Variants in RASGRF2 observed in about 807,000 individuals in gnomAD.
RASGRF2 encodes the protein Ras protein specific guanine nucleotide releasing factor 2, also known as ras-specific guanine nucleotide-releasing factor 2.
RASGRF2 carries 76 observed loss-of-function variants against 151.0 expected under a neutral mutation model. The observed-to-expected ratio is 0.50, with a 90% CI of 0.42 to 0.61. RASGRF2 has a LOEUF of 0.61. Ranked by LOEUF, RASGRF2 falls within the 20% of genes least tolerant of loss-of-function variation. RASGRF2 has a pLI of 0.00. For synonymous variants in RASGRF2, 504 were observed against 566.5 expected (o/e 0.89, Z 1.57); for missense variants, 1,148 against 1,564.6 (o/e 0.73, Z 4.49).
At chr5:81,078,432 A>G (rs1751998057) in intron 5 of RASGRF2, among the ~76,000 whole-genome samples, 1 of 152,206 alleles carries the variant, frequency 6.6e-6, no homozygotes. Context: ...GGTAACCACC[A>G]TTCTATTCAC....
intron 1 of RASGRF2, among the ~76,000 whole-genome samples, chr5:81,014,828 A>C (rs888242119): frequency 6.6e-6 from 1 of 152,130 alleles, no homozygotes; most frequent in African/African-American, 2.4e-5. Context: ...TATTATTATT[A>C]ATGATGCTAA....
chr5:81,137,732 C>T (rs1580350924), intron 17 of RASGRF2, among the ~76,000 whole-genome samples: 2 of 152,216 alleles, frequency 1.3e-5, no homozygotes, highest in African/African-American at 2.4e-5. Context: ...GAAGAAACAA[C>T]GCGCTGACTC....
At chr5:80,999,515 T>TTTTG (rs1749010820) in intron 1 of RASGRF2, among the ~76,000 whole-genome samples, 1 of 151,790 alleles carries the variant, frequency 6.6e-6, no homozygotes, top group Non-Finnish European at 1.5e-5. Flanking sequence ...GAATATTTAT[T>TTTTG]TTTATTTATT....
intron 14 of RASGRF2, 133 bp downstream of exon 14, chr5:81,112,991 G>T (rs1398143167): frequency 2.5e-6 from 3 of 1,179,000 alleles, no homozygotes; most frequent in African/African-American, 3.1e-5. Context: ...AATGTACCAT[G>T]CCCCTCCAGC....
At chr5:81,188,960 T>C (rs1341371358) in intron 18 of RASGRF2, among the ~76,000 whole-genome samples, 1 of 152,260 alleles carries the variant, frequency 6.6e-6, no homozygotes, top group Non-Finnish European at 1.5e-5. Flanking sequence ...GAATAGCACA[T>C]GTCAACACTG....
chr5:81,221,438 C>G lies in RASGRF2; in HGVS notation c.3621+1660C>G, dbSNP rs553303733. Among the ~76,000 whole-genome samples, 5 of 152,274 alleles carry G rather than the reference C, an allele frequency of 3.3e-5. No homozygotes were observed. In the East Asian group the frequency reaches 9.6e-4, roughly 29 times the overall value. On this transcript the variant is annotated intron_variant, in intron 26 of 26. Coordinates refer to ENST00000265080, the MANE Select transcript of RASGRF2 (RefSeq NM_006909.3). ...CATCCAATAATGTTTTATTCTATTG[C>G]TGAAACTGTTCCAAGCTTGGCCATC... is the stretch of plus-strand genomic sequence containing the variant.
chr5:81,215,870 T>G lies in RASGRF2; in HGVS notation c.3355-6T>G. Reference sequence around the variant, plus strand: ...CATCACACTAAGTTTTTTCTTTTCTTTTTAGACAAAAGCTCTAATGGACAA... The same window carrying G: ...CATCACACTAAGTTTTTTCTTTTCTGTTTAGACAAAAGCTCTAATGGACAA... On this transcript the variant is annotated splice_polypyrimidine_tract_variant and splice_region_variant and intron_variant, in intron 23 of 26. Coordinates refer to ENST00000265080, the MANE Select transcript of RASGRF2 (RefSeq NM_006909.3). The G allele has an allele frequency of 2.6e-6, 4 of 1,525,396 alleles. No individual in the cohort carries two copies. The highest frequency in any genetic ancestry group is 3.5e-6 in the Non-Finnish European group (4 of 1,147,428). The allele number at this position is 1,525,396 out of a possible 1,614,324, so 94.5% of individuals were successfully genotyped here. A position where few individuals can be genotyped will look rare whatever the true frequency, so the allele number is the denominator to read the frequency against.
intron 17 of RASGRF2, among the ~76,000 whole-genome samples, chr5:81,132,571 G>A (rs1753650517): frequency 6.6e-6 from 1 of 152,154 alleles, no homozygotes; most frequent in African/African-American, 2.4e-5. Context: ...TTCATTTGAT[G>A]TAAGACTTTT....
At chr5:81,192,893 C>T (rs141175374) in intron 18 of RASGRF2, among the ~76,000 whole-genome samples, 353 of 152,272 alleles carry the variant, frequency 2.3e-3, no homozygotes, top group African/African-American at 8.2e-3. Flanking sequence ...GTAGTCAAGA[C>T]AGAAAACAGT....
intron 2 of RASGRF2, among the ~76,000 whole-genome samples, chr5:81,043,834 T>G (rs1159084792): frequency 1.3e-5 from 2 of 152,148 alleles, no homozygotes; most frequent in Admixed American, 6.6e-5. Flanking sequence ...ATCTGTCTGT[T>G]CCTCCCTCTA....
intron 17 of RASGRF2, among the ~76,000 whole-genome samples, chr5:81,175,755 CAAAAAA>C (rs33931356): frequency 1.0e-5 from 1 of 99,542 alleles, no homozygotes; most frequent in Non-Finnish European, 2.1e-5. Context: ...AACTCCGTCT[CAAAAAA>C]AAAAAAAAAA....
chr5:80,985,237 A>C (rs569612608), intron 1 of RASGRF2, among the ~76,000 whole-genome samples: 1 of 152,274 alleles, frequency 6.6e-6, no homozygotes, highest in East Asian at 1.9e-4. Flanking sequence ...AACAAAAACA[A>C]CAACAACAGA....
chr5:81,053,371 C>T (rs2650437), intron 2 of RASGRF2, among the ~76,000 whole-genome samples: 17,008 of 146,530 alleles, frequency 0.12, 1,230 homozygotes, highest in Non-Finnish European at 0.16. Context: ...TGAGAACATG[C>T]GGTGTTTGGT....
intron 22 of RASGRF2, among the ~76,000 whole-genome samples, chr5:81,209,138 C>T (rs961219146): frequency 8.5e-5 from 13 of 152,134 alleles, no homozygotes; most frequent in Non-Finnish European, 1.5e-4. Flanking sequence ...CATTACTGAA[C>T]GTTCAGCCTG....
intron 1 of RASGRF2, among the ~76,000 whole-genome samples, chr5:81,014,459 C>T (rs1033296011): frequency 3.3e-5 from 5 of 152,108 alleles, no homozygotes; most frequent in Admixed American, 1.3e-4. Flanking sequence ...TCAGATCTCG[C>T]GAAACTTATC....
chr5:81,185,643 C>T (rs1425626404), intron 18 of RASGRF2, among the ~76,000 whole-genome samples: 1 of 152,138 alleles, frequency 6.6e-6, no homozygotes, highest in African/African-American at 2.4e-5. Flanking sequence ...AGAGCCAGGG[C>T]TGGGCTCCCC....
At position 81,186,561 on chromosome 5, in the gene RASGRF2, GACACAC is replaced by G. The variant is rs559512196; in HGVS notation, c.2793+6285_2793+6290del. Among the ~76,000 whole-genome samples the G allele has an allele frequency of 1.0e-3, 159 of 152,020 alleles. 1 individual carries two copies. The highest frequency in any genetic ancestry group is 3.7e-3 in the African/African-American group (155 of 41,392). ...ATATATACTCTATCCTATAAACACA[GACACAC>G]ACACGCGCACACACACAAAACAGAG... On this transcript the variant is annotated intron_variant, in intron 18 of 26. Transcript: ENST00000265080.
intron 15 of RASGRF2, among the ~76,000 whole-genome samples, chr5:81,120,773 A>T (rs1264481375): frequency 6.6e-6 from 1 of 152,212 alleles, no homozygotes; most frequent in Non-Finnish European, 1.5e-5. Flanking sequence ...AAAGACAGGA[A>T]TATAATCAAT....
chr5:81,190,168 G>A (rs931597746), intron 18 of RASGRF2, among the ~76,000 whole-genome samples: 1 of 152,120 alleles, frequency 6.6e-6, no homozygotes, highest in African/African-American at 2.4e-5. Flanking sequence ...CATGACAGCC[G>A]CCCAAATGAA....
Sources: allele counts gnomAD v4.1 joint callset (sites outside exome capture counted in the v4.1 genomes callset), GRCh38; gene constraint gnomAD v4.1.1; transcripts MANE v1.5; gene names NCBI Gene and HGNC (gene_info 2026-07-23, HGNC 2026-07-21).